TMED3: variants seen among roughly 807,000 people sequenced by gnomAD.
TMED3 encodes transmembrane emp24 domain-containing protein 3.
TMED3 carries 9 observed loss-of-function variants against 15.0 expected under a neutral mutation model. That is an observed-to-expected ratio of 0.60 (90% CI 0.36 to 1.04). TMED3 has a LOEUF of 1.04. TMED3 is among the 50% of genes least tolerant of loss of function. The probability of loss-of-function intolerance (pLI) is 0.01; values close to 1 mark genes in which losing one functional copy is unlikely to be tolerated. For synonymous variants in TMED3, 117 were observed against 121.4 expected, an observed-to-expected ratio of 0.96 and a Z score of 0.24; for missense variants, 267 against 278.9, an observed-to-expected ratio of 0.96 and a Z score of 0.30.
At chr15:79,364,436 A>G (rs1353579396) in intron 2 of TMED3, among the ~76,000 whole-genome samples, 2 of 151,804 alleles carry the variant, frequency 1.3e-5, no homozygotes, top group African/African-American at 4.8e-5. Context: ...CGGATAGGAG[A>G]CAGAGAAATA....
At chr15:79,325,941 G>T (rs964574693), downstream of TMED3, among the ~76,000 whole-genome samples, 1 of 152,064 alleles carries the variant, frequency 6.6e-6, no homozygotes, top group South Asian at 2.1e-4. Flanking sequence ...CCACATTGAG[G>T]GTAGGTGGGT....
downstream of TMED3, among the ~76,000 whole-genome samples, chr15:79,325,322 G>A (rs2058783450): frequency 6.6e-6 from 1 of 152,170 alleles, no homozygotes; most frequent in Non-Finnish European, 1.5e-5. Context: ...TGCTGATTCT[G>A]AACCCTTGCG....
chr15:79,312,748 A>G (rs1249461288), intron 1 of TMED3, among the ~76,000 whole-genome samples: 1 of 152,196 alleles, frequency 6.6e-6, no homozygotes, highest in Non-Finnish European at 1.5e-5. Flanking sequence ...CAGAAATTCC[A>G]TGAATACTTC....
chr15:79,407,601 A>G (rs1893918006), intron 2 of TMED3, among the ~76,000 whole-genome samples: 1 of 152,216 alleles, frequency 6.6e-6, no homozygotes, highest in South Asian at 2.1e-4. Flanking sequence ...TATACAGCCC[A>G]AGGACCAAAT....
At chr15:79,320,478 G>A (rs1947011779) in intron 2 of TMED3, among the ~76,000 whole-genome samples, 1 of 152,030 alleles carries the variant, frequency 6.6e-6, no homozygotes, top group African/African-American at 2.4e-5. Flanking sequence ...CTCGGCACCT[G>A]GGTGGCTTGC....
intron 2 of TMED3, among the ~76,000 whole-genome samples, chr15:79,388,820 G>A (rs956279046): frequency 1.3e-5 from 2 of 152,068 alleles, no homozygotes; most frequent in East Asian, 1.9e-4. Flanking sequence ...ATTGGGTTTC[G>A]ATTTGCATTT....
chr15:79,356,122 T>C (rs1384344897), intron 2 of TMED3, among the ~76,000 whole-genome samples: 1 of 152,168 alleles, frequency 6.6e-6, no homozygotes, highest in Non-Finnish European at 1.5e-5. Flanking sequence ...GCAAAGTACA[T>C]GGAAGAGACT....
chr15:79,329,745 C>A (rs1457950393), intron 2 of TMED3, among the ~76,000 whole-genome samples: 1 of 152,178 alleles, frequency 6.6e-6, no homozygotes, highest in Non-Finnish European at 1.5e-5. Flanking sequence ...GTCTACAGCC[C>A]CCGAATGTTC....
chr15:79,342,297 A>C (rs1454393023), intron 2 of TMED3, among the ~76,000 whole-genome samples: 1 of 152,210 alleles, frequency 6.6e-6, no homozygotes, highest in Non-Finnish European at 1.5e-5. Context: ...AAGATGTTGT[A>C]TACAAGAAAC....
intron 2 of TMED3, chr15:79,383,271 T>A (rs1354117793): frequency 2.2e-5 from 12 of 542,056 alleles, no homozygotes; most frequent in South Asian, 7.5e-5. Context: ...TTTTGGAAAA[T>A]GTCTTAAGGC....
At chr15:79,383,406 GA>G (rs1378662991) in intron 2 of TMED3, 1 of 197,646 alleles carries the variant, frequency 5.1e-6, no homozygotes, top group Non-Finnish European at 1.0e-5. Flanking sequence ...TTCACTAGAT[GA>G]AGTCACAGAA....
chr15:79,312,395 G>C (rs762115285), intron 1 of TMED3, among the ~76,000 whole-genome samples: 13 of 152,184 alleles, frequency 8.5e-5, no homozygotes, highest in Non-Finnish European at 1.9e-4. Flanking sequence ...ATGACAAAAA[G>C]AATGATAATT....
At chr15:79,365,268 G>A (rs1893210013) in intron 2 of TMED3, among the ~76,000 whole-genome samples, 1 of 152,242 alleles carries the variant, frequency 6.6e-6, no homozygotes, top group Non-Finnish European at 1.5e-5. Flanking sequence ...TTTCTGATTT[G>A]TAACTGATTA....
chr15:79,401,120 T>C (rs1595911575), intron 2 of TMED3, among the ~76,000 whole-genome samples: 1 of 152,330 alleles, frequency 6.6e-6, no homozygotes, highest in Middle Eastern at 3.4e-3. Flanking sequence ...TTTTATTTCC[T>C]TTCTTCAATA....
intron 2 of TMED3, among the ~76,000 whole-genome samples, chr15:79,375,787 G>A (rs139446772): frequency 5.7e-4 from 87 of 152,228 alleles, no homozygotes; most frequent in Non-Finnish European, 1.1e-3. Flanking sequence ...CTCCACCACT[G>A]GGGATTACAT....
intron 2 of TMED3, among the ~76,000 whole-genome samples, chr15:79,370,510 A>G (rs959716199): frequency 2.6e-5 from 4 of 151,942 alleles, no homozygotes; most frequent in African/African-American, 9.7e-5. Context: ...TTTCACCTCA[A>G]CCATCCCCTT....
intron 2 of TMED3, among the ~76,000 whole-genome samples, chr15:79,331,542 C>CAAAAA (rs71451761): frequency 3.4e-5 from 3 of 89,288 alleles, no homozygotes; most frequent in African/African-American, 4.9e-5. Context: ...GCAAAAGAAG[C>CAAAAA]AAAAAAAAAA....
At chr15:79,341,218 A>AAAAT (rs1555422370) in intron 2 of TMED3, among the ~76,000 whole-genome samples, 1 of 68,698 alleles carries the variant, frequency 1.5e-5, no homozygotes, top group East Asian at 3.9e-4. Context: ...AAAAAAAAAA[A>AAAAT]GGTGAAGAAA....
At chr15:79,409,851 A>C (rs1893949677) in intron 2 of TMED3, among the ~76,000 whole-genome samples, 2 of 152,212 alleles carry the variant, frequency 1.3e-5, no homozygotes, top group South Asian at 4.1e-4. Flanking sequence ...ACTGTAGATT[A>C]ATCATTTTGC....
Sources: allele counts gnomAD v4.1 joint callset (sites outside exome capture counted in the v4.1 genomes callset), GRCh38; gene constraint gnomAD v4.1.1; transcripts MANE v1.5; gene names NCBI Gene and HGNC (gene_info 2026-07-23, HGNC 2026-07-21).